NUMB: variants seen among roughly 807,000 people sequenced by gnomAD.
NUMB encodes the protein protein numb homolog.
A neutral mutation model predicts 59.7 loss-of-function variants in NUMB; 29 were observed. The observed-to-expected ratio is 0.49, with a 90% CI of 0.36 to 0.66. NUMB has a LOEUF of 0.66. Among genes scored for constraint, NUMB ranks in the 30% least tolerant of loss-of-function variants. The pLI is 0.00. For missense variants in NUMB, 723 were observed against 822.0 expected, an observed-to-expected ratio of 0.88 and a Z score of 1.47; for synonymous variants, 288 against 288.2, an observed-to-expected ratio of 1.00 and a Z score of 0.01.
At chr14:73,441,266 C>T (rs980768788) in intron 1 of NUMB, among the ~76,000 whole-genome samples, 2 of 152,074 alleles carry the variant, frequency 1.3e-5, no homozygotes, top group African/African-American at 4.8e-5. Flanking sequence ...TTAATTTCTA[C>T]TTTAGGCCAG....
intron 2 of NUMB, among the ~76,000 whole-genome samples, chr14:73,388,896 G>C (rs1260712525): frequency 6.6e-6 from 1 of 152,080 alleles, no homozygotes; most frequent in Admixed American, 6.6e-5. Context: ...AGGAGATCAA[G>C]ACCATCCTAG....
chr14:73,346,817 A>G (rs912517018), intron 4 of NUMB, among the ~76,000 whole-genome samples: 1 of 152,088 alleles, frequency 6.6e-6, no homozygotes, highest in Admixed American at 6.6e-5. Flanking sequence ...AATACCACAA[A>G]CTGAGGTGAA....
At chr14:73,381,332 A>G (rs180694862) in intron 2 of NUMB, among the ~76,000 whole-genome samples, 1 of 152,278 alleles carries the variant, frequency 6.6e-6, no homozygotes, top group Admixed American at 6.5e-5. Context: ...AGTCAGACCA[A>G]TGATCAGAAC....
chr14:73,290,579 G>A (rs1889323158), intron 8 of NUMB, among the ~76,000 whole-genome samples: 1 of 152,160 alleles, frequency 6.6e-6, no homozygotes, highest in African/African-American at 2.4e-5. Context: ...TTTAGACCAT[G>A]GCCACTACTT....
chr14:73,450,043 C>T (rs1883816776), intron 1 of NUMB, among the ~76,000 whole-genome samples: 1 of 152,124 alleles, frequency 6.6e-6, no homozygotes, highest in Non-Finnish European at 1.5e-5. Flanking sequence ...TGCCACAATG[C>T]TTACAATAAC....
At chr14:73,282,848 CA>C (rs1888723094) in intron 10 of NUMB, among the ~76,000 whole-genome samples, 1 of 152,200 alleles carries the variant, frequency 6.6e-6, no homozygotes, top group South Asian at 2.1e-4. Flanking sequence ...TTGTAGAAGA[CA>C]TTTGCAACCT....
At chr14:73,361,454 ATTTC>A (rs934401266) in intron 3 of NUMB, among the ~76,000 whole-genome samples, 4 of 151,856 alleles carry the variant, frequency 2.6e-5, no homozygotes, top group African/African-American at 9.7e-5. Flanking sequence ...ATGTTTCAGA[ATTTC>A]TTTTTTTTTT....
chr14:73,455,555 T>G (rs534347911), intron 1 of NUMB, among the ~76,000 whole-genome samples: 186 of 152,356 alleles, frequency 1.2e-3, no homozygotes, highest in African/African-American at 4.3e-3. Context: ...TACTTTGTAG[T>G]TAAGCCTCTA....
At chr14:73,355,337 G>A (rs1459346120) in intron 4 of NUMB, among the ~76,000 whole-genome samples, 1 of 152,118 alleles carries the variant, frequency 6.6e-6, no homozygotes, top group Non-Finnish European at 1.5e-5. Context: ...ATAATTTAGG[G>A]TCTTTAGGTA....
chr14:73,439,556 T>A (rs999671708), intron 1 of NUMB, among the ~76,000 whole-genome samples: 13 of 152,338 alleles, frequency 8.5e-5, no homozygotes, highest in African/African-American at 3.1e-4. Flanking sequence ...ACTATATTAA[T>A]TATGGATTTA....
chr14:73,353,020 T>TA (rs1166284591), intron 4 of NUMB, among the ~76,000 whole-genome samples: 1 of 146,284 alleles, frequency 6.8e-6, no homozygotes, highest in East Asian at 2.0e-4. Context: ...TACCTTACTT[T>TA]AAAAAAATAA....
chr14:73,377,977 A>G (rs1277739435), intron 2 of NUMB, among the ~76,000 whole-genome samples: 1 of 142,750 alleles, frequency 7.0e-6, no homozygotes, highest in Non-Finnish European at 1.5e-5. Context: ...GCATACATAT[A>G]GATATATATA....
intron 1 of NUMB, among the ~76,000 whole-genome samples, chr14:73,425,017 G>A (rs949684674): frequency 6.6e-6 from 1 of 152,074 alleles, no homozygotes; most frequent in African/African-American, 2.4e-5. Context: ...CTTTACCTCA[G>A]TCAGAACTAT....
chr14:73,356,953 C>A, intron 3 of NUMB: 4 of 495,764 alleles, frequency 8.1e-6, no homozygotes, highest in Non-Finnish European at 1.0e-5. Flanking sequence ...CCGCCTTGGC[C>A]TCTCTAAGTG....
intron 1 of NUMB, among the ~76,000 whole-genome samples, chr14:73,431,919 C>G (rs1897849922): frequency 6.6e-6 from 1 of 151,832 alleles, no homozygotes; most frequent in Non-Finnish European, 1.5e-5. Context: ...GTGGTAGACT[C>G]CAAAATATTC....
intron 1 of NUMB, among the ~76,000 whole-genome samples, chr14:73,420,105 C>T (rs920694227): frequency 1.6e-4 from 24 of 152,342 alleles, no homozygotes; most frequent in African/African-American, 5.8e-4. Context: ...AGGTGATCCA[C>T]CCGCCTTGGC....
chr14:73,404,805 G>A (rs184464647), intron 2 of NUMB, among the ~76,000 whole-genome samples: 190 of 151,332 alleles, frequency 1.3e-3, no homozygotes, highest in African/African-American at 4.3e-3. Flanking sequence ...CTGTCACCCA[G>A]GCTGGAGTGC....
chr14:73,349,129 G>T (rs1279761041), intron 4 of NUMB, among the ~76,000 whole-genome samples: 1 of 152,096 alleles, frequency 6.6e-6, no homozygotes, highest in East Asian at 1.9e-4. Context: ...TCTGCAGCTT[G>T]CCCTTATCAC....
chr14:73,367,817 G>C (rs182879072), intron 2 of NUMB, among the ~76,000 whole-genome samples: 1 of 150,412 alleles, frequency 6.6e-6, no homozygotes, highest in East Asian at 1.9e-4. Context: ...GTACTGATAG[G>C]AAGGAATATT....
Sources: allele counts gnomAD v4.1 joint callset (sites outside exome capture counted in the v4.1 genomes callset), GRCh38; gene constraint gnomAD v4.1.1; transcripts MANE v1.5; gene names NCBI Gene and HGNC (gene_info 2026-07-23, HGNC 2026-07-21).